The following DLGAP2 variants were observed in gnomAD, a reference collection of about 807,000 sequenced individuals.
DLGAP2 encodes the protein disks large-associated protein 2.
A neutral mutation model predicts 100.3 loss-of-function variants in DLGAP2; 26 were observed. The observed-to-expected ratio is 0.26, with a 90% CI of 0.19 to 0.36. DLGAP2 has a LOEUF of 0.36. Among genes scored for constraint, DLGAP2 ranks in the 10% least tolerant of loss-of-function variants. The pLI, the probability that DLGAP2 is intolerant of heterozygous loss-of-function variation, is 1.00. For synonymous variants in DLGAP2, 886 were observed against 630.1 expected (o/e 1.41, Z -6.08); for missense variants, 1,858 against 1,453.2 (o/e 1.28, Z -4.53).
intron 3 of DLGAP2, among the ~76,000 whole-genome samples, chr8:1,288,216 TGGTTAGGAGGGGAACTAGTTTCGTTTCA>T (rs1799984305): frequency 1.3e-5 from 1 of 79,064 alleles, no homozygotes; most frequent in Admixed American, 1.4e-4. Context: ...TGTGTGTGTG[TGGTTAGGAGGGGAACTAGTTTCGTTTCA>T]GTGTGTGTGT....
chr8:1,285,059 C>T (rs746940365), intron 3 of DLGAP2, among the ~76,000 whole-genome samples: 1 of 152,160 alleles, frequency 6.6e-6, no homozygotes, highest in African/African-American at 2.4e-5. Context: ...ACTATCATGC[C>T]CATGCCATTT....
intron 2 of DLGAP2, among the ~76,000 whole-genome samples, chr8:1,084,066 G>T (rs983199797): frequency 1.3e-5 from 2 of 151,862 alleles, no homozygotes; most frequent in Non-Finnish European, 2.9e-5. Flanking sequence ...CTCATTGTTT[G>T]GTCACATTTT....
At chr8:866,699 C>A (rs943069800) in intron 1 of DLGAP2, among the ~76,000 whole-genome samples, 1 of 152,142 alleles carries the variant, frequency 6.6e-6, no homozygotes, top group Non-Finnish European at 1.5e-5. Flanking sequence ...CACGCCAGGG[C>A]CTTCTAAATA....
intron 3 of DLGAP2, among the ~76,000 whole-genome samples, chr8:1,386,173 A>G (rs1314126076): frequency 6.6e-6 from 1 of 152,252 alleles, no homozygotes. Context: ...AAAAACTCCA[A>G]CATATGATGA....
chr8:1,697,458 ATGTGTGTGCG>A (rs556268354), intron 14 of DLGAP2, among the ~76,000 whole-genome samples, 159 bp downstream of exon 14: 4 of 152,306 alleles, frequency 2.6e-5, no homozygotes, highest in Admixed American at 6.5e-5. Context: ...GTATACGCAC[ATGTGTGTGCG>A]TGTGTGTGCA....
chr8:1,210,627 A>G (rs982313470), intron 2 of DLGAP2, among the ~76,000 whole-genome samples: 3 of 152,170 alleles, frequency 2.0e-5, no homozygotes, highest in African/African-American at 7.2e-5. Flanking sequence ...TCTGGGGCCT[A>G]GTTCCCTCTT....
intron 3 of DLGAP2, among the ~76,000 whole-genome samples, chr8:1,296,788 G>C (rs1325780414): frequency 6.6e-6 from 1 of 152,220 alleles, no homozygotes; most frequent in Non-Finnish European, 1.5e-5. Flanking sequence ...CTGATGTGCA[G>C]ATGGTGTGGT....
rs796367604 is a variant in DLGAP2 at position 1,683,914 on chromosome 8, A to G, written c.2704+5285A>G. Among the ~76,000 whole-genome samples, 769 of 110,518 alleles carry G rather than the reference A, an allele frequency of 7.0e-3. 23 individuals are homozygous for G. The highest frequency in any genetic ancestry group is 0.018 in the African/African-American group (516 of 28,168). 72.5% of individuals were successfully genotyped at this position (110,518 alleles called of 152,430 possible). ...TGTGTGTGTATACACATATATGTGT[A>G]TATATATATGTGTGTATATATGTGT... On this transcript the variant is annotated intron_variant, in intron 12 of 14. Transcript: ENST00000637795.
chr8:1,093,686 C>A (rs1041142159), intron 2 of DLGAP2, among the ~76,000 whole-genome samples: 1 of 152,164 alleles, frequency 6.6e-6, no homozygotes, highest in Non-Finnish European at 1.5e-5. Context: ...AACAGCCAGA[C>A]AGAAACAACT....
intron 2 of DLGAP2, among the ~76,000 whole-genome samples, chr8:1,228,897 C>G (rs751921978): frequency 1.3e-5 from 2 of 152,108 alleles, no homozygotes; most frequent in Non-Finnish European, 2.9e-5. Flanking sequence ...GTCACTACTT[C>G]TATTCAACAT....
At chr8:1,337,491 AGTG>A (rs1801314941) in intron 3 of DLGAP2, among the ~76,000 whole-genome samples, 1 of 34,876 alleles carries the variant, frequency 2.9e-5, no homozygotes, top group Non-Finnish European at 6.1e-5. Context: ...TGGGGATGAT[AGTG>A]GTGATGAGGA....
chr8:1,440,064 G>A (rs1455953086), intron 3 of DLGAP2, among the ~76,000 whole-genome samples: 1 of 152,098 alleles, frequency 6.6e-6, no homozygotes, highest in Non-Finnish European at 1.5e-5. Context: ...CTCAACCTCT[G>A]AGCTCAGCTA....
At chr8:864,123 C>G (rs1458770705) in intron 1 of DLGAP2, among the ~76,000 whole-genome samples, 1 of 152,148 alleles carries the variant, frequency 6.6e-6, no homozygotes, top group African/African-American at 2.4e-5. Context: ...CATAATCCCA[C>G]TCGTGCAGAA....
chr8:843,504 C>G (rs1353166081), intron 1 of DLGAP2, among the ~76,000 whole-genome samples: 1 of 152,228 alleles, frequency 6.6e-6, no homozygotes, highest in South Asian at 2.1e-4. Flanking sequence ...GTGGGCACCA[C>G]GGCCTCTCCT....
At chr8:931,231 C>A (rs890384693) in intron 2 of DLGAP2, among the ~76,000 whole-genome samples, 4 of 152,104 alleles carry the variant, frequency 2.6e-5, no homozygotes, top group Admixed American at 2.0e-4. Context: ...GGCTGAGGAG[C>A]AGCGTGTGCA....
chr8:927,479 G>A (rs1230536093), intron 2 of DLGAP2, among the ~76,000 whole-genome samples: 1 of 152,188 alleles, frequency 6.6e-6, no homozygotes, highest in Non-Finnish European at 1.5e-5. Context: ...CTTTGAGCAG[G>A]TGGCTGATTT....
At chr8:751,342 C>T (rs954350647) in intron 1 of DLGAP2, among the ~76,000 whole-genome samples, 8 of 150,506 alleles carry the variant, frequency 5.3e-5, no homozygotes, top group South Asian at 2.1e-4. Flanking sequence ...CCTGGATCTC[C>T]GGCCATCCTC....
chr8:1,111,122 C>G (rs1442396593), intron 2 of DLGAP2, among the ~76,000 whole-genome samples: 2 of 152,196 alleles, frequency 1.3e-5, no homozygotes, highest in Non-Finnish European at 2.9e-5. Flanking sequence ...TTACCAAGCC[C>G]AGAACATCAC....
At chr8:1,013,535 G>T (rs1246567128) in intron 2 of DLGAP2, among the ~76,000 whole-genome samples, 1 of 152,214 alleles carries the variant, frequency 6.6e-6, no homozygotes, top group African/African-American at 2.4e-5. Context: ...GGTGGGTGAT[G>T]ATGTTGCCGC....
Sources: gnomAD v4.1 joint callset for allele counts (sites outside exome capture counted in the v4.1 genomes callset) on GRCh38, gnomAD v4.1.1 for gene constraint, MANE v1.5 for transcripts, NCBI Gene and HGNC (gene_info 2026-07-23, HGNC 2026-07-21) for gene names.